The following OTUD7A variants were observed in gnomAD, a reference collection of about 807,000 sequenced individuals.
OTUD7A encodes OTU deubiquitinase 7A.
A neutral mutation model predicts 65.7 loss-of-function variants in OTUD7A; 12 were observed. The ratio of observed to expected loss-of-function variants is 0.18; its 90% CI spans 0.12 to 0.30. The LOEUF (loss-of-function observed/expected upper bound fraction) is 0.30, where lower values mean the gene tolerates loss of function less well. Ranked by LOEUF, OTUD7A falls within the 10% of genes least tolerant of loss-of-function variation. The pLI, the probability that OTUD7A is intolerant of heterozygous loss-of-function variation, is 1.00. For synonymous variants in OTUD7A, 641 were observed against 586.3 expected (o/e 1.09, Z -1.35); for missense variants, 1,148 against 1,304.8 (o/e 0.88, Z 1.85).
chr15:31,543,647 T>A (rs1194123162), intron 5 of OTUD7A, among the ~76,000 whole-genome samples: 2 of 151,836 alleles, frequency 1.3e-5, no homozygotes, highest in Non-Finnish European at 3.0e-5. Flanking sequence ...AAAGCATTAG[T>A]AGAATTTAAT....
intron 1 of OTUD7A, among the ~76,000 whole-genome samples, chr15:31,664,136 T>C (rs1346134116): frequency 6.6e-6 from 1 of 152,240 alleles, no homozygotes; most frequent in Non-Finnish European, 1.5e-5. Context: ...CAAACATGCG[T>C]GTGCAAGTAT....
chr15:31,506,026 C>T lies in OTUD7A; in HGVS notation c.894-2208G>A, dbSNP rs979990980. On this transcript the variant is annotated intron_variant, in intron 8 of 12. Transcript: ENST00000307050. ...GTGCTGGGATTACAGACGTGAGCCA[C>T]CATGCCTGGCCACAATTTTTTTTTT... Among the ~76,000 whole-genome samples, 78 of 152,116 alleles carry T rather than the reference C, an allele frequency of 5.1e-4. 1 individual carries two copies. The highest frequency in any genetic ancestry group is 1.8e-3 in the African/African-American group (76 of 41,506).
intron 1 of OTUD7A, among the ~76,000 whole-genome samples, chr15:31,823,792 C>T (rs919465875): frequency 2.6e-5 from 4 of 152,178 alleles, no homozygotes; most frequent in Non-Finnish European, 4.4e-5. Context: ...TGCCTGGTCA[C>T]GAGCCCTCAG....
chr15:31,487,355 T>A lies in OTUD7A; in HGVS notation c.1287-77A>T, dbSNP rs2041252375. 1.9e-6 allele frequency: 3 copies of A among 1,582,986 alleles called. No homozygotes were observed. Among genetic ancestry groups the A allele is most frequent in the Non-Finnish European group, 2.6e-6 (3 of 1,154,774 alleles). ...ACCCAGTCCACTTGCATGCCAGCTGTCCCAGGAGGAGCAGGGGTGGTACAT... is the reference window on the plus strand; with the variant it reads ...ACCCAGTCCACTTGCATGCCAGCTGACCCAGGAGGAGCAGGGGTGGTACAT... On this transcript the variant is annotated intron_variant, in intron 11 of 12. Transcript: ENST00000307050. The surrounding 1 kb of genome is among the most constrained non-coding windows in gnomAD (Gnocchi z 6.0).
chr15:31,646,797 T>C (rs1233233560), intron 3 of OTUD7A, among the ~76,000 whole-genome samples: 15 of 152,236 alleles, frequency 9.9e-5, no homozygotes, highest in East Asian at 5.8e-4. Context: ...GGCACAGACT[T>C]CTGAGTAAAA....
At chr15:31,538,744 A>G (rs1887887906) in intron 5 of OTUD7A, among the ~76,000 whole-genome samples, 1 of 152,152 alleles carries the variant, frequency 6.6e-6, no homozygotes, top group Non-Finnish European at 1.5e-5. Flanking sequence ...ACCCAAAACC[A>G]AATGAATGTC....
intron 3 of OTUD7A, among the ~76,000 whole-genome samples, chr15:31,636,768 C>T (rs989739567): frequency 5.9e-5 from 9 of 152,112 alleles, no homozygotes; most frequent in Non-Finnish European, 8.8e-5. Flanking sequence ...GTCTTATTGC[C>T]GATACGGAGA....
intron 1 of OTUD7A, among the ~76,000 whole-genome samples, chr15:31,814,415 G>C (rs1896497962): frequency 1.3e-5 from 2 of 152,180 alleles, no homozygotes; most frequent in Non-Finnish European, 2.9e-5. Flanking sequence ...ACCATGGAGG[G>C]CTATGCCTGC....
chr15:31,579,458 G>C (rs552780823), intron 3 of OTUD7A, among the ~76,000 whole-genome samples: 1 of 152,122 alleles, frequency 6.6e-6, no homozygotes, highest in Non-Finnish European at 1.5e-5. Flanking sequence ...TCTGATAACC[G>C]AGATGGCCAC....
chr15:31,631,823 CTTCATTTCA>C (rs1174219455), intron 3 of OTUD7A, among the ~76,000 whole-genome samples: 2 of 152,194 alleles, frequency 1.3e-5, no homozygotes, highest in African/African-American at 4.8e-5. Flanking sequence ...TCCCTTCTCG[CTTCATTTCA>C]TTCATTTCAT....
chr15:31,557,971 C>T (rs907854593), intron 5 of OTUD7A: 5 of 152,156 alleles, frequency 3.3e-5, no homozygotes, highest in African/African-American at 1.2e-4. Flanking sequence ...AGGCTCCACT[C>T]CACAGTGGAC....
chr15:31,726,519 G>A (rs1479737408), intron 1 of OTUD7A, among the ~76,000 whole-genome samples: 1 of 152,192 alleles, frequency 6.6e-6, no homozygotes, highest in Non-Finnish European at 1.5e-5. Context: ...ACATCAAACA[G>A]AAAATGTAAA....
At chr15:31,579,211 T>C (rs1889297031) in intron 3 of OTUD7A, among the ~76,000 whole-genome samples, 1 of 152,194 alleles carries the variant, frequency 6.6e-6, no homozygotes, top group African/African-American at 2.4e-5. Flanking sequence ...GTAAGGGGAT[T>C]GGGCAGAAAA....
chr15:31,760,109 C>T (rs1052440219), intron 1 of OTUD7A, among the ~76,000 whole-genome samples: 6 of 152,184 alleles, frequency 3.9e-5, no homozygotes, highest in Non-Finnish European at 8.8e-5. Context: ...TCCCTTATAA[C>T]TTTGCTACCT....
intron 1 of OTUD7A, among the ~76,000 whole-genome samples, chr15:31,858,416 T>C (rs1331641394): frequency 2.0e-5 from 3 of 151,862 alleles, no homozygotes; most frequent in Non-Finnish European, 4.4e-5. Flanking sequence ...ACAGAGAAAA[T>C]TGGGGCCAGA....
At chr15:31,722,963 A>G (rs1833835953) in intron 1 of OTUD7A, among the ~76,000 whole-genome samples, 1 of 151,978 alleles carries the variant, frequency 6.6e-6, no homozygotes, top group African/African-American at 2.4e-5. Flanking sequence ...AGATGGGAAG[A>G]GAGCAGGGAA....
intron 1 of OTUD7A, among the ~76,000 whole-genome samples, chr15:31,857,181 A>C (rs1897597209): frequency 6.6e-6 from 1 of 152,164 alleles, no homozygotes; most frequent in African/African-American, 2.4e-5. Flanking sequence ...TGAAGAAAAA[A>C]TGAATGCACC....
chr15:31,640,037 T>C (rs1303546815), intron 3 of OTUD7A, among the ~76,000 whole-genome samples: 2 of 152,212 alleles, frequency 1.3e-5, no homozygotes, highest in African/African-American at 4.8e-5. Context: ...TTAATTTTTC[T>C]TTTATGGATT....
chr15:31,505,108 A>C (rs2041539599), intron 8 of OTUD7A, among the ~76,000 whole-genome samples: 2 of 152,174 alleles, frequency 1.3e-5, no homozygotes, highest in Admixed American at 1.3e-4. Flanking sequence ...ATATTGAATA[A>C]AGGAGATAAG....
Sources: gnomAD v4.1 joint callset for allele counts (sites outside exome capture counted in the v4.1 genomes callset) on GRCh38, gnomAD v4.1.1 for gene constraint, Gnocchi (gnomAD v3.1) non-coding constraint, MANE v1.5 for transcripts, NCBI Gene and HGNC (gene_info 2026-07-23, HGNC 2026-07-21) for gene names.